The following RFX8 variants were observed in gnomAD, a reference collection of about 807,000 sequenced individuals.
RFX8 encodes the protein DNA-binding protein RFX8.
Under a neutral mutation model 54.6 loss-of-function variants are expected in RFX8, and 46 were observed. That is an observed-to-expected ratio of 0.84 (90% CI 0.67 to 1.08). The LOEUF (loss-of-function observed/expected upper bound fraction) is 1.08, where lower values mean the gene tolerates loss of function less well. Ranked by LOEUF, RFX8 falls within the 50% of genes least tolerant of loss-of-function variation. The pLI is 0.00. For missense variants in RFX8, 536 were observed against 562.3 expected (o/e 0.95, Z 0.47); for synonymous variants, 192 against 209.5 (o/e 0.92, Z 0.72).
At chr2:101,407,565 G>A (rs972212270) in intron 9 of RFX8, among the ~76,000 whole-genome samples, 1 of 152,136 alleles carries the variant, frequency 6.6e-6, no homozygotes, top group Non-Finnish European at 1.5e-5. Context: ...GGTGGCACAC[G>A]CCTGTAATCC....
rs866431132 is a variant in RFX8 at position 101,418,945 on chromosome 2, G to A, written c.257C>T (p.Ser86Phe). 2 of 1,549,848 alleles carry A rather than the reference G, an allele frequency of 1.3e-6. No individual in the cohort carries two copies. The highest frequency in any genetic ancestry group is 1.7e-6 in the Non-Finnish European group (2 of 1,145,590). ...GTCTTGCTGCAGAGACTTCCAGAAGGAAGTAAGCAAGTCCTCCACCTGGGG... is the reference window on the plus strand; with the variant it reads ...GTCTTGCTGCAGAGACTTCCAGAAGAAAGTAAGCAAGTCCTCCACCTGGGG... ...ILRNVEDLLTSFWKSLQQDTV... is the reference protein window; with the variant it reads ...ILRNVEDLLTFFWKSLQQDTV... The change falls in exon 5 of 12, where the codon TCC becomes TTC. Residue 86 changes from serine (S) to phenylalanine (F), a missense_variant. Coordinates refer to ENST00000428343, the MANE Select transcript of RFX8 (RefSeq NM_001145664.2).
chr2:101,428,562 G>C (rs1193373218), intron 2 of RFX8, among the ~76,000 whole-genome samples: 1 of 152,108 alleles, frequency 6.6e-6, no homozygotes, highest in East Asian at 1.9e-4. Context: ...ATATCGTTTT[G>C]GCCCACTAAA....
intron 2 of RFX8, among the ~76,000 whole-genome samples, chr2:101,441,075 T>C (rs973437039): frequency 3.3e-5 from 5 of 150,240 alleles, no homozygotes; most frequent in Admixed American, 2.7e-4. Context: ...CATGCCATTC[T>C]CCTGCCTCAG....
At chr2:101,446,749 G>A (rs1210899021) in intron 2 of RFX8, among the ~76,000 whole-genome samples, 1 of 149,870 alleles carries the variant, frequency 6.7e-6, no homozygotes, top group Non-Finnish European at 1.5e-5. Flanking sequence ...TTGTTTTCCT[G>A]GAGCATGCAG....
intron 11 of RFX8, 47 bp from the exon 12 acceptor site, chr2:101,397,771 A>G: frequency 6.9e-7 from 1 of 1,458,362 alleles, no homozygotes; most frequent in Non-Finnish European, 9.2e-7. Flanking sequence ...AGAGACAGAT[A>G]CTATTCCTTG....
At chr2:101,446,947 C>T (rs954346901) in intron 2 of RFX8, among the ~76,000 whole-genome samples, 1 of 152,178 alleles carries the variant, frequency 6.6e-6, no homozygotes, top group African/African-American at 2.4e-5. Context: ...ATAGCTATTC[C>T]TTTTCCTAGC....
At chr2:101,419,913 T>A (rs983170350) in intron 4 of RFX8, among the ~76,000 whole-genome samples, 2 of 152,190 alleles carry the variant, frequency 1.3e-5, no homozygotes, top group Non-Finnish European at 2.9e-5. Context: ...AAGGGGGGTC[T>A]GGGTGGAGCC....
At chr2:101,440,026 AGTTT>A (rs1237227404) in intron 2 of RFX8, among the ~76,000 whole-genome samples, 3 of 151,872 alleles carry the variant, frequency 2.0e-5, no homozygotes, top group African/African-American at 4.8e-5. Context: ...CTTTTCATCA[AGTTT>A]GTTTGAGCAA....
intron 2 of RFX8, among the ~76,000 whole-genome samples, chr2:101,435,689 C>T (rs370420622): frequency 2.6e-5 from 4 of 152,322 alleles, no homozygotes; most frequent in Non-Finnish European, 4.4e-5. Flanking sequence ...AAGCCTCAAT[C>T]TGGTTGCCAA....
rs536590721 is a variant in RFX8, at chr2:101,445,453, C to T, written c.72+21324G>A. ...TGTAGCCCAGGCTGGAGTGCAGTGG[C>T]GTGATCATAGCTCACTGCAGCCTTG... On this transcript the variant is annotated intron_variant, in intron 2 of 11. Transcript: ENST00000428343. Among the ~76,000 whole-genome samples, 5 of 152,004 alleles carry T rather than the reference C, an allele frequency of 3.3e-5. No individual in the cohort carries two copies. The East Asian group carries it at 7.7e-4, about 23-fold the overall frequency.
intron 2 of RFX8, among the ~76,000 whole-genome samples, chr2:101,430,511 A>C (rs755057923): frequency 2.6e-5 from 4 of 152,236 alleles, no homozygotes; most frequent in Non-Finnish European, 4.4e-5. Context: ...ATGTGAACAA[A>C]GAAAAGAACA....
intron 2 of RFX8, among the ~76,000 whole-genome samples, chr2:101,431,917 T>A (rs1375064966): frequency 6.6e-6 from 1 of 152,170 alleles, no homozygotes; most frequent in East Asian, 1.9e-4. Context: ...GCCTGCCATG[T>A]AGGGGCCTGT....
intron 2 of RFX8, among the ~76,000 whole-genome samples, chr2:101,442,613 A>C (rs953117056): frequency 1.3e-5 from 2 of 150,510 alleles, no homozygotes; most frequent in African/African-American, 4.9e-5. Context: ...CATTCAAATC[A>C]CTGTTATAGG....
intron 2 of RFX8, among the ~76,000 whole-genome samples, chr2:101,432,964 C>T (rs1428135005): frequency 6.6e-6 from 1 of 152,156 alleles, no homozygotes; most frequent in Non-Finnish European, 1.5e-5. Flanking sequence ...GTGACTGCTC[C>T]TCAGGGCCCA....
chr2:101,434,598 C>A (rs1366055886), intron 2 of RFX8, among the ~76,000 whole-genome samples: 1 of 152,220 alleles, frequency 6.6e-6, no homozygotes, highest in East Asian at 1.9e-4. Context: ...GGCAAGTGAG[C>A]GATAAAATGA....
chr2:101,412,801 A>G (rs1353360823), intron 8 of RFX8, 114 bp downstream of exon 8: 6 of 1,013,706 alleles, frequency 5.9e-6, no homozygotes, highest in Non-Finnish European at 8.6e-6. Flanking sequence ...AACTTAGAAC[A>G]TCGGAGTTAT....
At chr2:101,397,793 A>G in intron 11 of RFX8, 69 bp from the exon 12 acceptor site, 1 of 1,327,762 alleles carries the variant, frequency 7.5e-7, no homozygotes. Context: ...TGCAGGAACT[A>G]CCATTTGAAT....
chr2:101,437,774 C>T (rs1277834058), intron 2 of RFX8, among the ~76,000 whole-genome samples: 1 of 12,066 alleles, frequency 8.3e-5, no homozygotes, highest in African/African-American at 1.8e-4. Flanking sequence ...TCTTAAATTT[C>T]CCAAGTTTTA....
chr2:101,444,546 C>T (rs1022044994), intron 2 of RFX8, among the ~76,000 whole-genome samples: 18 of 152,112 alleles, frequency 1.2e-4, no homozygotes, highest in African/African-American at 3.6e-4. Context: ...AAGACTGAGG[C>T]GAATCAGATG....
Sources: allele counts gnomAD v4.1 joint callset (sites outside exome capture counted in the v4.1 genomes callset), GRCh38; gene constraint gnomAD v4.1.1; transcripts MANE v1.5; gene names NCBI Gene and HGNC (gene_info 2026-07-23, HGNC 2026-07-21).